Variants in EYS observed in about 807,000 individuals in gnomAD.
EYS encodes the protein protein eyes shut homolog.
Under a neutral mutation model 282.1 loss-of-function variants are expected in EYS, and 250 were observed. The ratio of observed to expected loss-of-function variants is 0.89; its 90% CI spans 0.80 to 0.98. EYS has a LOEUF of 0.98. EYS is among the 50% of genes least tolerant of loss of function. The pLI, the probability that EYS is intolerant of heterozygous loss-of-function variation, is 0.00. For synonymous variants in EYS, 1,355 were observed against 1,282.9 expected (o/e 1.06, Z -1.20); for missense variants, 4,016 against 3,709.0 (o/e 1.08, Z -2.15).
chr6:64,012,341 C>T (rs1317479878), intron 33 of EYS, among the ~76,000 whole-genome samples: 2 of 152,168 alleles, frequency 1.3e-5, no homozygotes, highest in African/African-American at 4.8e-5. Flanking sequence ...TCTCCATGCT[C>T]AGCCAGAAGT....
chr6:64,489,248 A>G (rs1776665166), intron 26 of EYS, among the ~76,000 whole-genome samples: 1 of 150,828 alleles, frequency 6.6e-6, no homozygotes, highest in Admixed American at 6.6e-5. Context: ...GACCATAGAA[A>G]TATAAAATCT....
At chr6:64,844,628 T>C (rs1235763225) in intron 19 of EYS, among the ~76,000 whole-genome samples, 3 of 151,994 alleles carry the variant, frequency 2.0e-5, no homozygotes, top group Non-Finnish European at 4.4e-5. Flanking sequence ...CTCCTGATGA[T>C]ACCAAGCTTT....
chr6:63,889,841 G>A (rs1773362381), intron 35 of EYS, among the ~76,000 whole-genome samples: 1 of 152,030 alleles, frequency 6.6e-6, no homozygotes, highest in Non-Finnish European at 1.5e-5. Flanking sequence ...TGGATTAAGA[G>A]TCAAGACTTC....
At chr6:64,583,174 G>T (rs570467878) in intron 26 of EYS, among the ~76,000 whole-genome samples, 59 of 152,208 alleles carry the variant, frequency 3.9e-4, no homozygotes, top group African/African-American at 1.3e-3. Context: ...CATCTTACTT[G>T]TAGGGTGGAC....
At chr6:65,366,700 T>G (rs552499490) in intron 8 of EYS, among the ~76,000 whole-genome samples, 2 of 151,754 alleles carry the variant, frequency 1.3e-5, no homozygotes, top group African/African-American at 4.8e-5. Flanking sequence ...ACAACATTTA[T>G]TCTCTAACAT....
intron 1 of EYS, among the ~76,000 whole-genome samples, chr6:65,641,962 G>A (rs1291228396): frequency 7.9e-5 from 12 of 152,042 alleles, no homozygotes; most frequent in Admixed American, 6.6e-4. Flanking sequence ...AACTGAGCTC[G>A]AACCAAAGCT....
intron 26 of EYS, among the ~76,000 whole-genome samples, chr6:64,536,258 G>A (rs996887447): frequency 6.6e-6 from 1 of 151,862 alleles, no homozygotes; most frequent in Non-Finnish European, 1.5e-5. Flanking sequence ...CCTGCTTCGG[G>A]AAAACAAATG....
intron 34 of EYS, among the ~76,000 whole-genome samples, chr6:63,991,247 T>C (rs1767590436): frequency 6.6e-6 from 1 of 151,610 alleles, no homozygotes; most frequent in Admixed American, 6.6e-5. Flanking sequence ...TCTTTCCCTG[T>C]ACAAAAAGCC....
intron 16 of EYS, among the ~76,000 whole-genome samples, chr6:64,907,624 A>T (rs565230333): frequency 2.0e-5 from 3 of 152,298 alleles, no homozygotes; most frequent in Admixed American, 6.5e-5. Context: ...TACTATATAC[A>T]GATCATCTCC....
At chr6:63,800,290 C>A (rs1204264410) in intron 37 of EYS, among the ~76,000 whole-genome samples, 1 of 152,116 alleles carries the variant, frequency 6.6e-6, no homozygotes, top group Non-Finnish European at 1.5e-5. Context: ...ACTTTAAGTA[C>A]CTGTGTTTTG....
intron 6 of EYS, among the ~76,000 whole-genome samples, chr6:65,402,867 G>A (rs1766571790): frequency 6.6e-6 from 1 of 152,114 alleles, no homozygotes; most frequent in Non-Finnish European, 1.5e-5. Context: ...AAGCAAGATT[G>A]TGATCATGGA....
At chr6:65,271,177 CT>C (rs1379415816) in intron 12 of EYS, among the ~76,000 whole-genome samples, 2 of 75,240 alleles carry the variant, frequency 2.7e-5, no homozygotes, top group African/African-American at 8.5e-5. Context: ...AAGAAATTGG[CT>C]CACAGGAAGC....
rs548927498 is a variant in EYS at position 64,397,712 on chromosome 6, C to G, written c.5928-8872G>C. Among the ~76,000 whole-genome samples the G allele has an allele frequency of 1.1e-4, 16 of 151,990 alleles. No individual in the cohort carries two copies. In the East Asian group the frequency reaches 3.1e-3, roughly 29 times the overall value. On this transcript the variant is annotated intron_variant, in intron 28 of 42. Transcript: ENST00000503581. The stretch of plus-strand genomic sequence containing the variant: ...GTAGAAAGCAGAAAATTTCAAAGAA[C>G]ACACTTTTGGCACTGTTGATAGTCT...
intron 34 of EYS, among the ~76,000 whole-genome samples, chr6:63,986,273 C>A (rs1356672521): frequency 2.6e-5 from 4 of 151,758 alleles, no homozygotes; most frequent in Non-Finnish European, 5.9e-5. Flanking sequence ...AAAAAAATAA[C>A]AGACGCTGGC....
chr6:64,376,193 C>G (rs772275302), intron 29 of EYS, among the ~76,000 whole-genome samples: 1 of 152,138 alleles, frequency 6.6e-6, no homozygotes, highest in Non-Finnish European at 1.5e-5. Flanking sequence ...CTACAGGTTT[C>G]TGTGGAATCC....
intron 2 of EYS, among the ~76,000 whole-genome samples, chr6:65,618,477 C>T (rs1365164014): frequency 3.9e-5 from 6 of 152,146 alleles, no homozygotes; most frequent in Admixed American, 6.5e-5. Flanking sequence ...GAGTAGGTTG[C>T]AAAAATTTTT....
intron 29 of EYS, chr6:64,377,709 T>G (rs1772604734): frequency 6.6e-6 from 1 of 152,172 alleles, no homozygotes; most frequent in Admixed American, 6.5e-5. Flanking sequence ...TGATTTTTTT[T>G]TAATGAACAA....
intron 12 of EYS, among the ~76,000 whole-genome samples, chr6:65,227,552 A>G (rs780839162): frequency 1.3e-5 from 2 of 152,200 alleles, no homozygotes; most frequent in African/African-American, 2.4e-5. Context: ...TTGATATATG[A>G]TCAAGCAATT....
intron 35 of EYS, among the ~76,000 whole-genome samples, chr6:63,943,435 T>C (rs1765301496): frequency 6.6e-6 from 1 of 152,224 alleles, no homozygotes; most frequent in Non-Finnish European, 1.5e-5. Flanking sequence ...GAAAATATTT[T>C]GCCTAGCTTG....
Sources: allele counts gnomAD v4.1 joint callset (sites outside exome capture counted in the v4.1 genomes callset), GRCh38; gene constraint gnomAD v4.1.1; transcripts MANE v1.5; gene names NCBI Gene and HGNC (gene_info 2026-07-23, HGNC 2026-07-21).